The following SLC43A2 variants were observed in gnomAD, a reference collection of about 807,000 sequenced individuals.
SLC43A2 encodes the protein large neutral amino acids transporter small subunit 4.
A neutral mutation model predicts 63.2 loss-of-function variants in SLC43A2; 38 were observed. That is an observed-to-expected ratio of 0.60 (90% CI 0.46 to 0.79). The LOEUF is 0.79. SLC43A2 is among the 30% of genes least tolerant of loss of function. SLC43A2 has a pLI of 0.00. For synonymous variants in SLC43A2, 322 were observed against 331.0 expected (o/e 0.97, Z 0.30); for missense variants, 644 against 756.2 (o/e 0.85, Z 1.74).
intron 5 of SLC43A2, among the ~76,000 whole-genome samples, chr17:1,596,849 A>T (rs1208618060): frequency 3.3e-5 from 5 of 152,240 alleles, no homozygotes; most frequent in Non-Finnish European, 2.9e-5. Flanking sequence ...AAAGATGCTC[A>T]ACATCATTAA....
At chr17:1,628,494 C>G in intron 1 of SLC43A2, among the ~76,000 whole-genome samples, 1 of 151,664 alleles carries the variant, frequency 6.6e-6, no homozygotes, top group East Asian at 2.0e-4. Context: ...GTCTAGGTCG[C>G]TAGGCGCTGC....
rs891401024 is a variant in SLC43A2, at chr17:1,593,528, ACCCT to A, written c.502-253_502-250del. The stretch of plus-strand genomic sequence containing the variant: ...CAGTTGTCTGACTTTCCGGCTGGCA[ACCCT>A]CCCTATCTCTCTGCTCCTGGCAGAG... On this transcript the variant is annotated intron_variant, in intron 5 of 13. Transcript: ENST00000301335. The surrounding 1 kb of genome is among the most constrained non-coding windows in gnomAD (Gnocchi z 5.3). Among the ~76,000 whole-genome samples the A allele has an allele frequency of 2.0e-5, 3 of 151,634 alleles. No homozygotes were observed. The highest frequency in any genetic ancestry group is 3.9e-4 in the East Asian group (2 of 5,158).
chr17:1,586,928 T>TGGCCCC, intron 9 of SLC43A2: 68 of 1,232,820 alleles, frequency 5.5e-5, no homozygotes, highest in Non-Finnish European at 7.1e-5. Flanking sequence ...TCCCTGACAA[T>TGGCCCC]CCCCCCCACC....
intron 5 of SLC43A2, among the ~76,000 whole-genome samples, chr17:1,594,602 T>C (rs1905102177): frequency 6.8e-6 from 1 of 147,188 alleles, no homozygotes. Context: ...TTTTTTTTTT[T>C]TTTGAGACGG....
upstream of SLC43A2, among the ~76,000 whole-genome samples, chr17:1,629,183 C>G (rs966701259): frequency 6.6e-6 from 1 of 151,918 alleles, no homozygotes; most frequent in East Asian, 1.9e-4. Flanking sequence ...GGACTCCCCC[C>G]AGAAGCCGCC....
rs753454691 is a variant in SLC43A2, at chr17:1,585,982, T to C, written c.1148A>G (p.Tyr383Cys). Residue 383 changes from tyrosine to cysteine, a missense_variant, in exon 10 of 14, where the codon TAC becomes TGC. Coordinates refer to ENST00000301335, the MANE Select transcript of SLC43A2 (RefSeq NM_152346.3). Reference protein sequence around the residue: ...LCLLTAPVIGYIMDWRLKECE... With the variant: ...LCLLTAPVIGCIMDWRLKECE... Reference sequence around the variant, plus strand: ...CTCCTTCAGCCTCCAGTCCATGATGTAGCCAATGACGGGGGCCGTCAGCAG... The same window carrying C: ...CTCCTTCAGCCTCCAGTCCATGATGCAGCCAATGACGGGGGCCGTCAGCAG... 15 of 1,613,220 alleles carry C rather than the reference T, an allele frequency of 9.3e-6. No homozygotes were observed. Among genetic ancestry groups the C allele is most frequent in the Non-Finnish European group, 1.2e-5 (14 of 1,179,904 alleles).
intron 9 of SLC43A2, among the ~76,000 whole-genome samples, chr17:1,588,521 T>C (rs924051930): frequency 1.3e-5 from 2 of 149,880 alleles, no homozygotes; most frequent in African/African-American, 2.5e-5. Context: ...CAAGACCTTG[T>C]CTTTATGGAA....
rs1232203539 is a variant in SLC43A2 at position 1,605,677 on chromosome 17, C to G, written c.501+7518G>C. On this transcript the variant is annotated intron_variant, in intron 5 of 13. Coordinates refer to ENST00000301335, the MANE Select transcript of SLC43A2 (RefSeq NM_152346.3). The surrounding 1 kb of genome is among the most constrained non-coding windows in gnomAD (Gnocchi z 4.9). ...TCCCCTCCAGAGGGAGCCTTGTCCCCAAGTGGCTGGAGTACACACCCAGAG... is the reference window on the plus strand; with the variant it reads ...TCCCCTCCAGAGGGAGCCTTGTCCCGAAGTGGCTGGAGTACACACCCAGAG... Among the ~76,000 whole-genome samples the G allele has an allele frequency of 6.6e-6, 1 of 152,096 alleles. No homozygotes were observed. Among genetic ancestry groups the G allele is most frequent in the East Asian group, 1.9e-4 (1 of 5,186 alleles).
chr17:1,600,849 C>A (rs548602679), intron 5 of SLC43A2, among the ~76,000 whole-genome samples: 6 of 151,118 alleles, frequency 4.0e-5, no homozygotes, highest in Admixed American at 4.0e-4. Context: ...TGAACCATTG[C>A]GCCCAGACTT....
At chr17:1,620,136 A>G (rs936139369) in intron 2 of SLC43A2, among the ~76,000 whole-genome samples, 3 of 152,182 alleles carry the variant, frequency 2.0e-5, no homozygotes, top group Non-Finnish European at 4.4e-5. Context: ...AGGCCGAGGC[A>G]GGCGGACCAC....
chr17:1,599,136 C>T (rs567493963), intron 5 of SLC43A2, among the ~76,000 whole-genome samples: 150 of 152,106 alleles, frequency 9.9e-4, no homozygotes, highest in Non-Finnish European at 1.6e-3. Flanking sequence ...ATCACGAGAT[C>T]GAGACCATCC....
At chr17:1,600,161 T>A (rs1316632073) in intron 5 of SLC43A2, among the ~76,000 whole-genome samples, 1 of 116,066 alleles carries the variant, frequency 8.6e-6, no homozygotes, top group African/African-American at 3.1e-5. Context: ...TATTTTTTTT[T>A]TTTTTTTGAG....
intron 6 of SLC43A2, among the ~76,000 whole-genome samples, chr17:1,591,936 C>T (rs1598452462): frequency 6.6e-6 from 1 of 152,328 alleles, no homozygotes; most frequent in Middle Eastern, 3.4e-3. Flanking sequence ...CCCCCCGACT[C>T]GGAGGCCTTC....
At chr17:1,607,562 A>G (rs1465258467) in intron 5 of SLC43A2, among the ~76,000 whole-genome samples, 1 of 152,076 alleles carries the variant, frequency 6.6e-6, no homozygotes, top group Non-Finnish European at 1.5e-5. Context: ...GCAGAAAGAG[A>G]TGACTTAGAA....
intron 9 of SLC43A2, chr17:1,586,928 T>TCACCCCC: frequency 1.6e-6 from 2 of 1,232,916 alleles, no homozygotes; most frequent in Non-Finnish European, 1.1e-6. Flanking sequence ...TCCCTGACAA[T>TCACCCCC]CCCCCCCACC....
At chr17:1,623,597 A>G (rs1567650997) in intron 2 of SLC43A2, among the ~76,000 whole-genome samples, 1 of 146,072 alleles carries the variant, frequency 6.8e-6, no homozygotes, top group Non-Finnish European at 1.5e-5. Flanking sequence ...GCCCCTTCCC[A>G]CTTCTCTCCT....
Position 1,627,702 on chromosome 17 carries a change from G to T in SLC43A2, c.160+13C>A. Reference sequence around the variant, plus strand: ...CTCCAGGAGCCCCCCGCAACCCCAGGCGCTTGTCTCACCTGGCTCGGTACA... The same window carrying T: ...CTCCAGGAGCCCCCCGCAACCCCAGTCGCTTGTCTCACCTGGCTCGGTACA... On this transcript the variant is annotated intron_variant, in intron 2 of 13. Coordinates refer to ENST00000301335, the MANE Select transcript of SLC43A2 (RefSeq NM_152346.3). 1 of 1,320,950 alleles carries T rather than the reference G, an allele frequency of 7.6e-7. No homozygotes were observed. Among genetic ancestry groups the T allele is most frequent in the East Asian group, 3.8e-5 (1 of 26,010 alleles). The allele number at this position is 1,320,950 out of a possible 1,614,324, so 81.8% of individuals were successfully genotyped here.
intron 5 of SLC43A2, among the ~76,000 whole-genome samples, chr17:1,599,773 G>A (rs530551413): frequency 9.9e-5 from 15 of 151,544 alleles, no homozygotes; most frequent in East Asian, 9.8e-4. Context: ...GGCCAGGCGC[G>A]GTGGCTCACG....
intron 11 of SLC43A2, among the ~76,000 whole-genome samples, chr17:1,581,305 A>G (rs950754781): frequency 2.0e-5 from 3 of 152,218 alleles, no homozygotes; most frequent in Non-Finnish European, 4.4e-5. Flanking sequence ...TAAAACAAAA[A>G]GATGACTGTC....
Sources: gnomAD v4.1 joint callset for allele counts (sites outside exome capture counted in the v4.1 genomes callset) on GRCh38, gnomAD v4.1.1 for gene constraint, Gnocchi (gnomAD v3.1) non-coding constraint, MANE v1.5 for transcripts, NCBI Gene and HGNC (gene_info 2026-07-23, HGNC 2026-07-21) for gene names.